The following PRIM2 variants were observed in gnomAD, a reference collection of about 807,000 sequenced individuals.
PRIM2 encodes the protein DNA primase large subunit.
PRIM2 carries 39 observed loss-of-function variants against 67.3 expected under a neutral mutation model. The ratio of observed to expected loss-of-function variants is 0.58; its 90% CI spans 0.45 to 0.76. The LOEUF (loss-of-function observed/expected upper bound fraction) is 0.76, where lower values mean the gene tolerates loss of function less well. Ranked by LOEUF, PRIM2 falls within the 30% of genes least tolerant of loss-of-function variation. PRIM2 has a pLI of 0.00. For synonymous variants in PRIM2, 143 were observed against 198.7 expected, an observed-to-expected ratio of 0.72 and a Z score of 2.36; for missense variants, 398 against 598.7, an observed-to-expected ratio of 0.66 and a Z score of 3.50.
intron 7 of PRIM2, among the ~76,000 whole-genome samples, chr6:57,477,093 C>T (rs1270479409): frequency 9.9e-5 from 15 of 152,130 alleles, no homozygotes; most frequent in African/African-American, 2.7e-4. Flanking sequence ...TGGGCTTCAT[C>T]GATCCTCCCA....
intron 10 of PRIM2, among the ~76,000 whole-genome samples, chr6:57,579,315 C>A (rs1369973091): frequency 6.6e-6 from 1 of 151,914 alleles, no homozygotes; most frequent in Admixed American, 6.6e-5. Flanking sequence ...TTTTTTTTGT[C>A]CTTGAAATTG....
chr6:57,440,815 C>T (rs1357056462), intron 7 of PRIM2, among the ~76,000 whole-genome samples: 2 of 152,212 alleles, frequency 1.3e-5, no homozygotes, highest in Non-Finnish European at 2.9e-5. Flanking sequence ...CTGTCTAAAT[C>T]TTTTCCCTAT....
chr6:57,358,974 T>G (rs538874654), intron 5 of PRIM2, among the ~76,000 whole-genome samples: 2 of 152,366 alleles, frequency 1.3e-5, no homozygotes, highest in Admixed American at 1.3e-4. Context: ...TTTTAAACTA[T>G]TTTTAAGTGT....
chr6:57,629,944 G>T (rs1350422094), intron 12 of PRIM2, among the ~76,000 whole-genome samples: 1 of 149,384 alleles, frequency 6.7e-6, no homozygotes. Flanking sequence ...AATTTTAAAA[G>T]CATGTAAGTT....
intron 7 of PRIM2, chr6:57,383,384 T>C (rs1253150407): frequency 6.6e-6 from 1 of 152,294 alleles, no homozygotes; most frequent in East Asian, 1.9e-4. Context: ...ATGCTGGTGG[T>C]GGACCCCAGT....
At chr6:57,233,010 A>G in the PRIM2 span, among the ~76,000 whole-genome samples, 1 of 152,252 alleles carries the variant, frequency 6.6e-6, no homozygotes, top group Non-Finnish European at 1.5e-5. Context: ...GAGAAATACT[A>G]GCAAAGATAT....
chr6:57,423,739 A>G (rs1771534573), intron 7 of PRIM2, among the ~76,000 whole-genome samples: 1 of 152,238 alleles, frequency 6.6e-6, no homozygotes, highest in African/African-American at 2.4e-5. Flanking sequence ...CTAATTGAAT[A>G]CTAAAGGATC....
At chr6:57,311,392 G>A (rs373373461), upstream of PRIM2, among the ~76,000 whole-genome samples, 81 of 140,830 alleles carry the variant, frequency 5.8e-4, no homozygotes, top group African/African-American at 2.1e-3. Context: ...ACTTCCCAGA[G>A]GGGGCGGCCA....
chr6:57,566,600 C>CGGTT (rs1260425730), intron 10 of PRIM2, among the ~76,000 whole-genome samples: 1 of 152,026 alleles, frequency 6.6e-6, no homozygotes, highest in African/African-American at 2.4e-5. Context: ...AGAATCAAAC[C>CGGTT]TAAGTTTTTG....
intron 7 of PRIM2, among the ~76,000 whole-genome samples, chr6:57,396,292 C>T (rs2127351161): frequency 1.3e-5 from 2 of 152,204 alleles, no homozygotes; most frequent in African/African-American, 4.8e-5. Flanking sequence ...TATCTCATTT[C>T]TTATGTCTAT....
At chr6:57,265,852 C>T in the PRIM2 span, among the ~76,000 whole-genome samples, 1 of 152,100 alleles carries the variant, frequency 6.6e-6, no homozygotes. Flanking sequence ...ACACTTTTTC[C>T]TCAATTGACT....
intron 5 of PRIM2, among the ~76,000 whole-genome samples, chr6:57,349,717 T>A (rs927271675): frequency 7.2e-5 from 11 of 152,146 alleles, no homozygotes; most frequent in Non-Finnish European, 2.9e-5. Flanking sequence ...TTCTTATTTT[T>A]TTTGTCTTTT....
chr6:57,310,742 C>G (rs1038145826), upstream of PRIM2, among the ~76,000 whole-genome samples: 1 of 146,032 alleles, frequency 6.8e-6, no homozygotes, highest in Non-Finnish European at 1.5e-5. Context: ...ACTTCCCAGA[C>G]GGGGTGGCCA....
rs775016256 is a variant in PRIM2 at position 57,324,261 on chromosome 6, C to T, written c.319C>T (p.Arg107Trp). The change falls in exon 4 of 14, where the codon CGG becomes TGG. Residue 107 changes from arginine to tryptophan, a missense_variant. By Grantham distance (101) the Arg-to-Trp change is moderately radical. This residue lies in a region of PRIM2 where 229 missense variants were observed against 383.6 expected (regional missense o/e 0.60). Transcript: ENST00000615550. ...RRDHISHFIL[R>W]LAYCQSEELR... ...AGATCATATTTCTCATTTTATTTTG[C>T]GGCTTGCTTATTGCCAGTCGTAAGT... 5.0e-6 allele frequency: 8 copies of T among 1,600,870 alleles called. No homozygotes were observed. The highest frequency in any genetic ancestry group is 6.8e-6 in the Non-Finnish European group (8 of 1,171,676).
intron 7 of PRIM2, among the ~76,000 whole-genome samples, chr6:57,426,523 AAG>A (rs1233624570): frequency 6.6e-6 from 1 of 152,240 alleles, no homozygotes; most frequent in Admixed American, 6.5e-5. Flanking sequence ...GTGTGTGAAA[AAG>A]GATGCTCAGT....
At chr6:57,396,078 T>C (rs1770505363) in intron 7 of PRIM2, among the ~76,000 whole-genome samples, 1 of 152,242 alleles carries the variant, frequency 6.6e-6, no homozygotes, top group Non-Finnish European at 1.5e-5. Context: ...GCCTGTCATA[T>C]AGTCTATCTT....
chr6:57,295,035 C>T, the PRIM2 span, among the ~76,000 whole-genome samples: 30 of 152,308 alleles, frequency 2.0e-4, no homozygotes, highest in Middle Eastern at 3.4e-3. Flanking sequence ...TCTCCAACTT[C>T]TGACTTCAGC....
intron 5 of PRIM2, among the ~76,000 whole-genome samples, chr6:57,340,238 A>C (rs1768422929): frequency 6.6e-6 from 1 of 152,186 alleles, no homozygotes; most frequent in African/African-American, 2.4e-5. Context: ...AGAAATAGGA[A>C]CACTTTTACA....
chr6:57,528,992 C>A (rs1774826631), intron 8 of PRIM2, among the ~76,000 whole-genome samples: 1 of 152,148 alleles, frequency 6.6e-6, no homozygotes, highest in African/African-American at 2.4e-5. Context: ...AGTGACTTGT[C>A]CCAGTTTGCA....
Sources: allele counts gnomAD v4.1 joint callset (sites outside exome capture counted in the v4.1 genomes callset), GRCh38; gene constraint gnomAD v4.1.1; regional missense constraint gnomAD v4.1.1; transcripts MANE v1.5; gene names NCBI Gene and HGNC (gene_info 2026-07-23, HGNC 2026-07-21).